GVQW3: variants seen among roughly 807,000 people sequenced by gnomAD.
GVQW3 encodes protein GVQW3.
A neutral mutation model predicts 12.5 loss-of-function variants in GVQW3; 7 were observed. The ratio of observed to expected loss-of-function variants is 0.56; its 90% CI spans 0.32 to 1.05. The LOEUF (loss-of-function observed/expected upper bound fraction) is 1.05, where lower values mean the gene tolerates loss of function less well. Ranked by LOEUF, GVQW3 falls within the 50% of genes least tolerant of loss-of-function variation. GVQW3 has a pLI of 0.04. For missense variants in GVQW3, 188 were observed against 190.8 expected (o/e 0.99, Z 0.09); for synonymous variants, 71 against 67.2 (o/e 1.06, Z -0.28).
intron 1 of GVQW3, chr11:76,392,055 AG>A (rs1198749739): frequency 6.6e-6 from 1 of 152,382 alleles, no homozygotes; most frequent in Non-Finnish European, 1.5e-5. Context: ...GTCCTTGGGC[AG>A]TGCCCAGCTT....
downstream of GVQW3, among the ~76,000 whole-genome samples, chr11:76,409,462 G>C (rs1425346981): frequency 1.3e-5 from 2 of 152,188 alleles, no homozygotes; most frequent in African/African-American, 4.8e-5. Context: ...AGGAAACTGT[G>C]GCCTTGTGCA....
chr11:76,413,073 C>T (rs1007303050), downstream of GVQW3: 5 of 152,106 alleles, frequency 3.3e-5, no homozygotes, highest in South Asian at 2.1e-4. Flanking sequence ...GTGTTAAGAA[C>T]GGAAACTTCA....
rs1295409164 is a variant in GVQW3, at chr11:76,406,706, A to C, written c.*2948A>C. On this transcript the variant is annotated 3_prime_UTR_variant, in exon 2 of 2. Transcript: ENST00000529331. The stretch of plus-strand genomic sequence containing the variant: ...AAGAAATGTTTAAAGCAGTGGAAGC[A>C]CTGTTTAAATAAATATGCCGGGCCA... The C allele has an allele frequency of 6.6e-6, 1 of 152,232 alleles. No individual in the cohort carries two copies. The highest frequency in any genetic ancestry group is 1.5e-5 in the Non-Finnish European group (1 of 68,040). 9.4% of individuals were successfully genotyped at this position (152,232 alleles called of 1,614,324 possible).
At chr11:76,390,742 G>A (rs1946883793) in intron 1 of GVQW3, among the ~76,000 whole-genome samples, 1 of 152,116 alleles carries the variant, frequency 6.6e-6, no homozygotes, top group African/African-American at 2.4e-5. Context: ...CAGGAGAATG[G>A]CGTGAACCCG....
At chr11:76,398,292 C>T (rs749631418) in intron 1 of GVQW3, among the ~76,000 whole-genome samples, 19 of 152,020 alleles carry the variant, frequency 1.2e-4, no homozygotes, top group South Asian at 4.1e-4. Context: ...TTTCTGGATT[C>T]GATTTTCTTT....
In GVQW3 at chr11:76,381,526, G is replaced by T. The variant is rs1946767637; in HGVS notation, c.-303G>T. ...TCCTTAAGGGCCGCGGAATCGGAGC[G>T]ACCTTGGTGACTGGCAAACTCTCGG... On this transcript the variant is annotated 5_prime_UTR_variant, in exon 1 of 2. Transcript: ENST00000529331. 3 of 300,190 alleles carry T rather than the reference G, an allele frequency of 1.0e-5. No individual in the cohort carries two copies. The South Asian group carries it at 2.2e-4, about 22-fold the overall frequency. The allele number at this position is 300,190 out of a possible 1,614,324, so 18.6% of individuals were successfully genotyped here. A position where few individuals can be genotyped will look rare whatever the true frequency, so the allele number is the denominator to read the frequency against.
intron 1 of GVQW3, among the ~76,000 whole-genome samples, chr11:76,390,991 G>A (rs181225697): frequency 5.9e-5 from 9 of 152,046 alleles, no homozygotes; most frequent in African/African-American, 1.4e-4. Context: ...GAGGCACACA[G>A]CACAACACCT....
intron 1 of GVQW3, among the ~76,000 whole-genome samples, chr11:76,401,732 C>T (rs2134560422): frequency 7.1e-6 from 1 of 139,884 alleles, no homozygotes; most frequent in African/African-American, 2.7e-5. Context: ...GAGATTGCAC[C>T]ATTGCACTCC....
chr11:76,384,659 C>A (rs763729781), intron 1 of GVQW3, among the ~76,000 whole-genome samples: 1 of 152,156 alleles, frequency 6.6e-6, no homozygotes, highest in Non-Finnish European at 1.5e-5. Context: ...GAAAGCTAGA[C>A]GTTGTCCCAC....
intron 1 of GVQW3, among the ~76,000 whole-genome samples, chr11:76,390,416 C>T (rs1946880150): frequency 6.6e-6 from 1 of 152,172 alleles, no homozygotes. Flanking sequence ...TCATTTTGTT[C>T]ATTTCAACAA....
At chr11:76,400,392 G>A (rs1044608083) in intron 1 of GVQW3, among the ~76,000 whole-genome samples, 11 of 151,398 alleles carry the variant, frequency 7.3e-5, no homozygotes, top group African/African-American at 2.7e-4. Context: ...GGGATTACAG[G>A]TGTGAGTCAC....
chr11:76,388,716 C>T (rs951300290), intron 1 of GVQW3, among the ~76,000 whole-genome samples: 4 of 151,938 alleles, frequency 2.6e-5, no homozygotes, highest in Admixed American at 6.6e-5. Context: ...TTTTCTGTTC[C>T]GTGTGTGCAC....
rs185347793 is a variant in GVQW3 at position 76,391,860 on chromosome 11, A to G, written c.465+9567A>G. Among the ~76,000 whole-genome samples, 850 of 152,350 alleles carry G rather than the reference A, an allele frequency of 5.6e-3. 8 individuals carry two copies. Among genetic ancestry groups the G allele is most frequent in the African/African-American group, 0.02 (814 of 41,582 alleles). ...TCCCAGCTACTCAGGAGGCTGAGGC[A>G]GGAGAATCACTTGGACCTGGGAGGT... is the stretch of plus-strand genomic sequence containing the variant. On this transcript the variant is annotated intron_variant, in intron 1 of 1. Transcript: ENST00000529331.
intron 1 of GVQW3, among the ~76,000 whole-genome samples, chr11:76,387,627 G>T (rs1295207278): frequency 6.6e-6 from 1 of 150,636 alleles, no homozygotes; most frequent in Non-Finnish European, 1.5e-5. Flanking sequence ...CAATTTATTT[G>T]TGGAAATTGT....
Position 76,394,188 on chromosome 11 carries a change from G to A in GVQW3, c.466-9472G>A, listed in dbSNP as rs112628799. On this transcript the variant is annotated intron_variant, in intron 1 of 1. Coordinates refer to ENST00000529331, the MANE Select transcript of GVQW3 (RefSeq NM_001347885.2). Reference sequence around the variant, plus strand: ...TGTGATTATAGGCGTGAGCCACCACGCCCAGCCTTCCTTTAGTTATTTTTA... The same window carrying A: ...TGTGATTATAGGCGTGAGCCACCACACCCAGCCTTCCTTTAGTTATTTTTA... Among the ~76,000 whole-genome samples, 929 of 152,238 alleles carry A rather than the reference G, an allele frequency of 6.1e-3. 5 individuals are homozygous for A. The highest frequency in any genetic ancestry group is 0.019 in the African/African-American group (783 of 41,550).
intron 1 of GVQW3, among the ~76,000 whole-genome samples, chr11:76,403,017 G>A (rs1410736791): frequency 1.3e-5 from 2 of 151,892 alleles, no homozygotes; most frequent in African/African-American, 2.4e-5. Flanking sequence ...GCGCAATCTC[G>A]GCTCATTGCA....
At chr11:76,402,567 G>A (rs1268342057) in intron 1 of GVQW3, among the ~76,000 whole-genome samples, 5 of 143,030 alleles carry the variant, frequency 3.5e-5, no homozygotes, top group African/African-American at 1.3e-4. Flanking sequence ...AAAAAAAAAA[G>A]ATTTGCATTA....
intron 1 of GVQW3, among the ~76,000 whole-genome samples, chr11:76,385,832 C>G (rs555947370): frequency 6.6e-6 from 1 of 152,210 alleles, no homozygotes. Context: ...AGTTGCACTC[C>G]CCAGAGGCAC....
Position 76,394,711 on chromosome 11 carries a change from A to G in GVQW3, c.466-8949A>G, listed in dbSNP as rs751202853. 3.2e-4 allele frequency among the ~76,000 whole-genome samples: 48 copies of G among 152,284 alleles called. No homozygotes were observed. The Middle Eastern group carries it at 0.01, about 32-fold the overall frequency. On this transcript the variant is annotated intron_variant, in intron 1 of 1. Transcript: ENST00000529331. ...CTTTCTTTTGGGTATATACCTAACA[A>G]TGGGATTGCTAGATTATATGGTAGC...
Sources: allele counts gnomAD v4.1 joint callset (sites outside exome capture counted in the v4.1 genomes callset), GRCh38; gene constraint gnomAD v4.1.1; transcripts MANE v1.5; gene names NCBI Gene and HGNC (gene_info 2026-07-23, HGNC 2026-07-21).